AGL: variants seen among roughly 807,000 people sequenced by gnomAD.
AGL encodes glycogen debranching enzyme.
Under a neutral mutation model 199.3 loss-of-function variants are expected in AGL, and 128 were observed. The observed-to-expected ratio is 0.64, with a 90% CI of 0.56 to 0.74. AGL has a LOEUF of 0.74. Among genes scored for constraint, AGL ranks in the 30% least tolerant of loss-of-function variants. AGL has a pLI of 0.00. For synonymous variants in AGL, 584 were observed against 594.7 expected, an observed-to-expected ratio of 0.98 and a Z score of 0.26; for missense variants, 1,809 against 1,820.8, an observed-to-expected ratio of 0.99 and a Z score of 0.12.
rs368617211 is a variant in AGL at position 99,865,166 on chromosome 1, A to AAT, written c.664+591_664+592dup. On this transcript the variant is annotated intron_variant, in intron 5 of 33. Transcript: ENST00000361915. The stretch of plus-strand genomic sequence containing the variant: ...CAGATAAAAAAACACAAAATATCAA[A>AAT]ATATATATATATATAGGGTTTCATA... 5.5e-3 allele frequency among the ~76,000 whole-genome samples: 829 copies of AAT among 151,118 alleles called. 2 individuals carry two copies. The highest frequency in any genetic ancestry group is 0.018 in the African/African-American group (724 of 41,148).
In AGL at chr1:99,880,049, A is replaced by AG. The variant is rs766616589; in HGVS notation, c.1735+5dup. 6.2e-6 allele frequency: 10 copies of AG among 1,613,276 alleles called. No individual in the cohort carries two copies. The South Asian group carries it at 1.1e-4, about 18-fold the overall frequency. On this transcript the variant is annotated splice_donor_region_variant and intron_variant, in intron 13 of 33. Transcript: ENST00000361915. ...GGGCATTAGTTCCTTAATAAGAGGTAGGCTTGTTGGAGTGTATTTCCCTCT... is the reference window on the plus strand; with the variant it reads ...GGGCATTAGTTCCTTAATAAGAGGTAGGGCTTGTTGGAGTGTATTTCCCTCT...
intron 5 of AGL, among the ~76,000 whole-genome samples, chr1:99,867,433 G>A (rs1650611739): frequency 6.6e-6 from 1 of 152,112 alleles, no homozygotes; most frequent in South Asian, 2.1e-4. Flanking sequence ...CCAAGAGGGA[G>A]ACATTCTCTC....
intron 12 of AGL, among the ~76,000 whole-genome samples, chr1:99,878,552 TTGTAATTAA>T (rs1651757622): frequency 6.6e-6 from 1 of 152,084 alleles, no homozygotes; most frequent in Non-Finnish European, 1.5e-5. Context: ...AATACAATCT[TTGTAATTAA>T]ACTCATAATT....
intron 5 of AGL, among the ~76,000 whole-genome samples, chr1:99,866,082 A>G (rs1003050652): frequency 2.6e-5 from 4 of 152,236 alleles, no homozygotes; most frequent in Non-Finnish European, 4.4e-5. Flanking sequence ...AGCCTTGGCA[A>G]CATAATGAGA....
At position 99,879,899 on chromosome 1, in the gene AGL, C is replaced by A. The variant is rs115666491; in HGVS notation, c.1612-24C>A. The A allele has an allele frequency of 0.013, 19,986 of 1,576,496 alleles. 182 individuals are homozygous for A. Among genetic ancestry groups the A allele is most frequent in the Middle Eastern group, 0.047 (281 of 5,994 alleles). Reference sequence around the variant, plus strand: ...CTCTTTCTGTTACATTTATTTGTTACATTTGTCACTGTGCTTTTTACAGTA... The same window carrying A: ...CTCTTTCTGTTACATTTATTTGTTAAATTTGTCACTGTGCTTTTTACAGTA... On this transcript the variant is annotated intron_variant, in intron 12 of 33. Coordinates refer to ENST00000361915, the MANE Select transcript of AGL (RefSeq NM_000642.3).
upstream of AGL, among the ~76,000 whole-genome samples, chr1:99,849,891 G>A (rs1477267597): frequency 1.3e-5 from 2 of 152,248 alleles, no homozygotes; most frequent in African/African-American, 4.8e-5. Flanking sequence ...GGATTTTAAT[G>A]TGCAACTGTG....
chr1:99,888,974 A>G (rs564609476), intron 21 of AGL, among the ~76,000 whole-genome samples: 214 of 152,272 alleles, frequency 1.4e-3, no homozygotes, highest in African/African-American at 4.7e-3. Context: ...GATAGTTAGT[A>G]TAATGATTTT....
chr1:99,883,194 A>G (rs1233023354), intron 17 of AGL, among the ~76,000 whole-genome samples: 1 of 152,084 alleles, frequency 6.6e-6, no homozygotes, highest in Non-Finnish European at 1.5e-5. Context: ...CTTTTAAACA[A>G]TTTTCTTAGT....
At chr1:99,856,852 C>T (rs1275274437) in intron 2 of AGL, among the ~76,000 whole-genome samples, 1 of 152,278 alleles carries the variant, frequency 6.6e-6, no homozygotes, top group African/African-American at 2.4e-5. Flanking sequence ...TCTACACAGA[C>T]ACAGCAACAA....
chr1:99,884,722 G>A lies in AGL; in HGVS notation c.2681+19G>A. 5 of 1,613,358 alleles carry A rather than the reference G, an allele frequency of 3.1e-6. No homozygotes were observed. The African/African-American group carries it at 6.7e-5, about 22-fold the overall frequency. ...TTGCTTCGTAAGTATGCCTTGTTTG[G>A]TAGAGATTTGCCACCTTAATAAGTA... On this transcript the variant is annotated intron_variant, in intron 20 of 33. Coordinates refer to ENST00000361915, the MANE Select transcript of AGL (RefSeq NM_000642.3).
intron 25 of AGL, among the ~76,000 whole-genome samples, chr1:99,897,974 T>C (rs895276013): frequency 6.6e-6 from 1 of 152,186 alleles, no homozygotes; most frequent in African/African-American, 2.4e-5. Flanking sequence ...TACATAGAAC[T>C]GTCTAGATTA....
upstream of AGL, chr1:99,850,084 C>G (rs1000784409): frequency 2.0e-5 from 3 of 152,354 alleles, no homozygotes; most frequent in African/African-American, 7.2e-5. Context: ...GGTCGAGCCT[C>G]CCGGAAGTGG....
At chr1:99,916,803 G>A (rs1655153883) in intron 33 of AGL, 72 bp downstream of exon 33, 1 of 1,532,410 alleles carries the variant, frequency 6.5e-7, no homozygotes, top group Non-Finnish European at 9.0e-7. Context: ...GTAAATTACA[G>A]TTTCTTAGAA....
At chr1:99,904,536 G>C (rs1031259131) in intron 27 of AGL, among the ~76,000 whole-genome samples, 1 of 151,842 alleles carries the variant, frequency 6.6e-6, no homozygotes, top group Non-Finnish European at 1.5e-5. Flanking sequence ...GCTTCATGTA[G>C]CCACTGCCAT....
intron 5 of AGL, among the ~76,000 whole-genome samples, chr1:99,869,366 TACTA>T (rs748508824): frequency 8.5e-5 from 13 of 152,058 alleles, no homozygotes; most frequent in Middle Eastern, 3.4e-3. Flanking sequence ...ATAAATGACT[TACTA>T]AATAAATGAC....
intron 27 of AGL, among the ~76,000 whole-genome samples, chr1:99,905,657 T>C (rs1020983393): frequency 3.9e-5 from 6 of 152,182 alleles, no homozygotes; most frequent in Non-Finnish European, 7.4e-5. Flanking sequence ...TCACTCAACT[T>C]CTAATTCCTG....
chr1:99,864,748 A>C (rs1377991308), intron 5 of AGL, among the ~76,000 whole-genome samples, 159 bp downstream of exon 5: 1 of 152,254 alleles, frequency 6.6e-6, no homozygotes, highest in Non-Finnish European at 1.5e-5. Flanking sequence ...CTGTTTAAAA[A>C]ATTAATATTT....
chr1:99,853,770 T>A (rs1227369774), intron 2 of AGL, among the ~76,000 whole-genome samples: 2 of 152,044 alleles, frequency 1.3e-5, no homozygotes, highest in Non-Finnish European at 2.9e-5. Flanking sequence ...TTGCCTGTGG[T>A]CCCCAGCTAC....
intron 23 of AGL, 21 bp downstream of exon 23, chr1:99,891,760 A>G: frequency 6.2e-7 from 1 of 1,613,028 alleles, no homozygotes; most frequent in Non-Finnish European, 8.5e-7. Flanking sequence ...CAAAGCTTGA[A>G]TAAATGGGCA....
Sources: allele counts gnomAD v4.1 joint callset (sites outside exome capture counted in the v4.1 genomes callset), GRCh38; gene constraint gnomAD v4.1.1; transcripts MANE v1.5; gene names NCBI Gene and HGNC (gene_info 2026-07-23, HGNC 2026-07-21).